MAOA: variants seen among roughly 807,000 people sequenced by gnomAD.
MAOA encodes the protein monoamine oxidase A, also known as amine oxidase [flavin-containing] A.
A neutral mutation model predicts 42.0 loss-of-function variants in MAOA; 6 were observed. That is an observed-to-expected ratio of 0.14 (90% CI 0.08 to 0.28). MAOA has a LOEUF of 0.28. Among genes scored for constraint, MAOA ranks in the 10% least tolerant of loss-of-function variants. The pLI, the probability that MAOA is intolerant of heterozygous loss-of-function variation, is 1.00. For missense variants in MAOA, 262 were observed against 422.3 expected, an observed-to-expected ratio of 0.62 and a Z score of 3.33; for synonymous variants, 140 against 154.0, an observed-to-expected ratio of 0.91 and a Z score of 0.67.
intron 3 of MAOA, among the ~76,000 whole-genome samples, chrX:43,707,297 A>G (rs2033665689): frequency 9.0e-6 from 1 of 111,365 alleles, no homozygotes; most frequent in Non-Finnish European, 1.9e-5. Flanking sequence ...TGCTAATGGG[A>G]TGGATACATC....
intron 2 of MAOA, among the ~76,000 whole-genome samples, chrX:43,685,604 A>G (rs1486677500): frequency 1.8e-5 from 2 of 111,348 alleles, no homozygotes; most frequent in African/African-American, 3.3e-5. Context: ...ATCTAGGCCT[A>G]TTTCTGCTTT....
intron 5 of MAOA, among the ~76,000 whole-genome samples, chrX:43,721,307 A>G (rs2033786727): frequency 1.8e-5 from 2 of 111,589 alleles, no homozygotes; most frequent in South Asian, 3.8e-4. Context: ...AACTGAGTGG[A>G]CAGTGTAGCT....
chrX:43,679,610 C>T (rs2033427071), intron 1 of MAOA, among the ~76,000 whole-genome samples: 1 of 111,075 alleles, frequency 9.0e-6, no homozygotes, highest in Admixed American at 9.6e-5. Context: ...AAGTTCCCCA[C>T]CGCTCCATCC....
At chrX:43,696,653 G>A (rs1265320995) in intron 3 of MAOA, among the ~76,000 whole-genome samples, 8 of 108,586 alleles carry the variant, frequency 7.4e-5, no homozygotes, top group African/African-American at 1.0e-4. Context: ...GGACAATGGC[G>A]TGAACCTGGG....
At chrX:43,715,109 C>A (rs1227801778) in intron 5 of MAOA, among the ~76,000 whole-genome samples, 1 of 110,359 alleles carries the variant, frequency 9.1e-6, no homozygotes, top group Non-Finnish European at 1.9e-5. Context: ...AGAGGGGACA[C>A]AGATGGTGTA....
intron 1 of MAOA, among the ~76,000 whole-genome samples, chrX:43,666,824 T>C (rs1190542640): frequency 5.4e-5 from 6 of 110,530 alleles, no homozygotes; most frequent in Non-Finnish European, 1.1e-4. Flanking sequence ...TGTGCTAGCC[T>C]TACTGGTCTT....
intron 5 of MAOA, among the ~76,000 whole-genome samples, chrX:43,726,234 G>A (rs1216743300): frequency 9.0e-6 from 1 of 111,458 alleles, no homozygotes; most frequent in Non-Finnish European, 1.9e-5. Context: ...GCTAGGTTAG[G>A]GAAATTCTCC....
intron 5 of MAOA, among the ~76,000 whole-genome samples, chrX:43,725,655 C>T (rs2033826758): frequency 9.0e-6 from 1 of 111,626 alleles, no homozygotes; most frequent in Non-Finnish European, 1.9e-5. Flanking sequence ...TTAATTGGGG[C>T]ATTTAGCCCA....
intron 1 of MAOA, among the ~76,000 whole-genome samples, chrX:43,680,692 A>G (rs2033435714): frequency 9.0e-6 from 1 of 111,218 alleles, no homozygotes; most frequent in East Asian, 2.8e-4. Flanking sequence ...TCATTATGCT[A>G]GATCCATTAA....
At chrX:43,662,995 A>C (rs1449874003) in intron 1 of MAOA, among the ~76,000 whole-genome samples, 1 of 111,393 alleles carries the variant, frequency 9.0e-6, no homozygotes, top group Non-Finnish European at 1.9e-5. Context: ...TTATGTTGCC[A>C]TCTGTCATTG....
Position 43,743,845 on chromosome X carries a change from C to A in MAOA, c.1314C>A (p.Ala438=). ...GRIFFAGTET[A]TKWSGYMEGA... ...TTTTCTTTGCGGGCACAGAGACTGC[C>A]ACAAAGTGGAGCGGCTACATGGAAG... is the stretch of plus-strand genomic sequence containing the variant. Residue 438 remains alanine (A), a synonymous_variant, in exon 13 of 15, where the codon GCC becomes GCA. Transcript: ENST00000338702. The A allele has an allele frequency of 8.5e-7, 1 of 1,173,486 alleles. No individual in the cohort carries two copies. Among genetic ancestry groups the A allele is most frequent in the Non-Finnish European group, 1.1e-6 (1 of 875,773 alleles).
chrX:43,734,725 C>T (rs2033907958), intron 9 of MAOA, among the ~76,000 whole-genome samples: 1 of 111,648 alleles, frequency 9.0e-6, no homozygotes, highest in Admixed American at 9.5e-5. Flanking sequence ...AATAAAACAC[C>T]AAAGTAAGTT....
chrX:43,672,146 A>G (rs1332195974), intron 1 of MAOA, among the ~76,000 whole-genome samples: 1 of 111,398 alleles, frequency 9.0e-6, no homozygotes, highest in Non-Finnish European at 1.9e-5. Context: ...TACTCCTTGA[A>G]GAGGTCCTTC....
At position 43,732,718 on chromosome X, in the gene MAOA, C is replaced by T. The variant is rs1246348090; in HGVS notation, c.975C>T (p.Ile325=). The T allele has an allele frequency of 8.3e-6, 10 of 1,204,463 alleles. No individual in the cohort carries two copies. The highest frequency in any genetic ancestry group is 5.3e-5 in the African/African-American group (3 of 56,947). ...WKKKDYCGCM[I]IEDEDAPISI... Reference sequence around the variant, plus strand: ...GTTAAGATTACTGTGGCTGCATGATCATTGAAGATGAAGATGCTCCAATTT... The same window carrying T: ...GTTAAGATTACTGTGGCTGCATGATTATTGAAGATGAAGATGCTCCAATTT... Residue 325 remains isoleucine (I), a synonymous_variant, in exon 9 of 15, where the codon ATC becomes ATT. Transcript: ENST00000338702.
intron 5 of MAOA, among the ~76,000 whole-genome samples, chrX:43,727,916 G>A (rs1372594547): frequency 8.9e-6 from 1 of 111,979 alleles, no homozygotes; most frequent in African/African-American, 3.2e-5. Flanking sequence ...ACTGGGAGCT[G>A]CAGACCGGAG....
At chrX:43,740,966 T>C (rs993969667) in intron 11 of MAOA, among the ~76,000 whole-genome samples, 2 of 111,689 alleles carry the variant, frequency 1.8e-5, no homozygotes, top group Non-Finnish European at 3.8e-5. Flanking sequence ...GTTCACTAGA[T>C]AACTGGCAGC....
chrX:43,712,061 AT>A (rs2033703909), intron 4 of MAOA, 85 bp downstream of exon 4: 1 of 717,962 alleles, frequency 1.4e-6, no homozygotes, highest in Non-Finnish European at 2.2e-6. Context: ...TGCAGGGAAC[AT>A]TGCTCTGGAC....
chrX:43,722,086 A>G (rs1316224517), intron 5 of MAOA, among the ~76,000 whole-genome samples: 3 of 111,526 alleles, frequency 2.7e-5, no homozygotes, highest in African/African-American at 6.5e-5. Context: ...CATCCAGTCT[A>G]TTATTGATGG....
Position 43,744,627 on chromosome X carries a change from C to A in MAOA, c.*114C>A. The A allele has an allele frequency of 1.2e-6, 1 of 827,616 alleles. No homozygotes were observed. Among genetic ancestry groups the A allele is most frequent in the Non-Finnish European group, 1.8e-6 (1 of 557,240 alleles). 68.2% of individuals were successfully genotyped at this position (827,616 alleles called of 1,213,427 possible). On this transcript the variant is annotated 3_prime_UTR_variant, in exon 15 of 15. Coordinates refer to ENST00000338702, the MANE Select transcript of MAOA (RefSeq NM_000240.4). ...TGTTTAAGTGTACTGGATTTAACTA[C>A]CTTTGGCTTAATTCCAATCATTGTT...
Sources: gnomAD v4.1 joint callset for allele counts (sites outside exome capture counted in the v4.1 genomes callset) on GRCh38, gnomAD v4.1.1 for gene constraint, MANE v1.5 for transcripts, NCBI Gene and HGNC (gene_info 2026-07-23, HGNC 2026-07-21) for gene names.